Variants in NFAM1 observed in about 807,000 individuals in gnomAD.
NFAM1 encodes the protein NFAT activating protein with ITAM motif 1.
In NFAM1, 17 loss-of-function variants were observed where a neutral mutation model predicts 29.0. That is an observed-to-expected ratio of 0.59 (90% CI 0.40 to 0.88). The LOEUF is 0.88. Among genes scored for constraint, NFAM1 ranks in the 40% least tolerant of loss-of-function variants. The probability of loss-of-function intolerance (pLI) is 0.00; values close to 1 mark genes in which losing one functional copy is unlikely to be tolerated. For missense variants in NFAM1, 324 were observed against 344.6 expected (o/e 0.94, Z 0.47); for synonymous variants, 175 against 147.2 (o/e 1.19, Z -1.36).
chr22:42,436,193 C>T (rs755516190), upstream of NFAM1, among the ~76,000 whole-genome samples: 2 of 152,160 alleles, frequency 1.3e-5, no homozygotes, highest in African/African-American at 2.4e-5. Context: ...ACAGTGAGGT[C>T]CTGAGCTCTT....
chr22:42,392,748 C>A (rs952489088), intron 4 of NFAM1, among the ~76,000 whole-genome samples: 4 of 151,926 alleles, frequency 2.6e-5, no homozygotes, highest in African/African-American at 9.7e-5. Flanking sequence ...TCTGACCCAC[C>A]CCGAATTCAT....
upstream of NFAM1, among the ~76,000 whole-genome samples, chr22:42,436,572 C>T (rs912644457): frequency 1.3e-5 from 2 of 152,330 alleles, no homozygotes; most frequent in East Asian, 1.9e-4. Context: ...GCCATCTGCC[C>T]GCAGGCTGCC....
chr22:42,387,388 G>C (rs1929186811), intron 4 of NFAM1, among the ~76,000 whole-genome samples: 1 of 152,078 alleles, frequency 6.6e-6, no homozygotes, highest in African/African-American at 2.4e-5. Flanking sequence ...AAAGGGCCAG[G>C]CCTCCTCCTG....
Position 42,388,090 on chromosome 22 carries a change from G to C in NFAM1, c.664-1012C>G, listed in dbSNP as rs764883785. On this transcript the variant is annotated intron_variant, in intron 4 of 5. Coordinates refer to ENST00000329021, the MANE Select transcript of NFAM1 (RefSeq NM_145912.8). This position sits in a 1 kb window ranked among gnomAD's most constrained non-coding sequence, Gnocchi z 4.1. ...GTAAGGGGGCTTCCCCGTCACTCGGGTGTGTCCTAGGCCCACTCACTCTTG... is the reference window on the plus strand; with the variant it reads ...GTAAGGGGGCTTCCCCGTCACTCGGCTGTGTCCTAGGCCCACTCACTCTTG... 3.9e-5 allele frequency among the ~76,000 whole-genome samples: 6 copies of C among 152,236 alleles called. No homozygotes were observed. The highest frequency in any genetic ancestry group is 7.3e-5 in the Non-Finnish European group (5 of 68,046).
intron 4 of NFAM1, among the ~76,000 whole-genome samples, chr22:42,394,651 G>T (rs1569226736): frequency 6.6e-6 from 1 of 152,134 alleles, no homozygotes; most frequent in Non-Finnish European, 1.5e-5. Flanking sequence ...AATTAGAAAA[G>T]AAGAAAGATA....
intron 5 of NFAM1, among the ~76,000 whole-genome samples, chr22:42,385,878 A>C (rs1310337565): frequency 1.3e-5 from 2 of 152,168 alleles, no homozygotes; most frequent in African/African-American, 4.8e-5. Flanking sequence ...AGAGAAGGCC[A>C]AGTGCCAGGC....
Position 42,415,075 on chromosome 22 carries a change from A to C in NFAM1, c.122-3339T>G, listed in dbSNP as rs753813132. Among the ~76,000 whole-genome samples the C allele has an allele frequency of 3.9e-5, 6 of 152,236 alleles. 1 individual carries two copies. In the East Asian group the frequency reaches 1.2e-3, roughly 29 times the overall value. ...AGCGAGGAGAGGCTTCGAAACGAGA[A>C]CCTCAGACCTCTGATGAAACTGCTG... On this transcript the variant is annotated intron_variant, in intron 1 of 5. Coordinates refer to ENST00000329021, the MANE Select transcript of NFAM1 (RefSeq NM_145912.8).
intron 3 of NFAM1, among the ~76,000 whole-genome samples, chr22:42,398,875 G>T (rs539059705): frequency 7.6e-4 from 115 of 152,244 alleles, no homozygotes; most frequent in Admixed American, 2.0e-3. Flanking sequence ...GCAGTGTGAG[G>T]AGGTGGGCAC....
At chr22:42,392,010 G>C (rs183109488) in intron 4 of NFAM1, among the ~76,000 whole-genome samples, 1 of 151,046 alleles carries the variant, frequency 6.6e-6, no homozygotes, top group Admixed American at 6.6e-5. Context: ...AGACATTCAA[G>C]TGGGGTTGAC....
At chr22:42,414,336 A>G (rs1388424654) in intron 1 of NFAM1, among the ~76,000 whole-genome samples, 1 of 152,158 alleles carries the variant, frequency 6.6e-6, no homozygotes, top group Non-Finnish European at 1.5e-5. Context: ...TGATAACATT[A>G]CATTCATTTT....
intron 1 of NFAM1, among the ~76,000 whole-genome samples, chr22:42,425,494 C>T (rs1002113467): frequency 6.6e-6 from 1 of 151,946 alleles, no homozygotes; most frequent in South Asian, 2.1e-4. Context: ...TCCAGGCCTC[C>T]ATCCTTCCCT....
At chr22:42,390,838 AG>A (rs948428524) in intron 4 of NFAM1, among the ~76,000 whole-genome samples, 9 of 139,766 alleles carry the variant, frequency 6.4e-5, no homozygotes, top group Non-Finnish European at 1.2e-4. Context: ...AAAAAAAAAG[AG>A]GGAGCAGCCG....
At chr22:42,426,102 T>C (rs1930613185) in intron 1 of NFAM1, among the ~76,000 whole-genome samples, 1 of 152,152 alleles carries the variant, frequency 6.6e-6, no homozygotes, top group Non-Finnish European at 1.5e-5. Context: ...GGCTGGCTTC[T>C]TCAGGGGATG....
At chr22:42,415,300 T>C (rs1225853719) in intron 1 of NFAM1, among the ~76,000 whole-genome samples, 8 of 141,340 alleles carry the variant, frequency 5.7e-5, no homozygotes, top group African/African-American at 1.6e-4. Context: ...CTTTCTTTTT[T>C]TTTTTTTTTT....
rs11455381 is a variant in NFAM1, at chr22:42,388,211, C to CT, written c.664-1134dup. Among the ~76,000 whole-genome samples, 84,234 of 151,724 alleles carry CT rather than the reference C, an allele frequency of 0.56. 23,766 individuals carry two copies. Among genetic ancestry groups the CT allele is most frequent in the African/African-American group, 0.65 (26,903 of 41,350 alleles). On this transcript the variant is annotated intron_variant, in intron 4 of 5. Coordinates refer to ENST00000329021, the MANE Select transcript of NFAM1 (RefSeq NM_145912.8). The surrounding 1 kb of genome is among the most constrained non-coding windows in gnomAD (Gnocchi z 4.1). ...GAGTAGGTTCGAATCTCGGCTCTGA[C>CT]TGCGCCAGCCAAAGGCAACCCCTTA... is the stretch of plus-strand genomic sequence containing the variant.
At chr22:42,393,651 C>T (rs1929423744) in intron 4 of NFAM1, among the ~76,000 whole-genome samples, 2 of 148,308 alleles carry the variant, frequency 1.3e-5, no homozygotes, top group South Asian at 2.1e-4. Context: ...CTCTTGACCT[C>T]GTGATCTGCC....
At chr22:42,416,382 C>G (rs1930260510) in intron 1 of NFAM1, among the ~76,000 whole-genome samples, 1 of 152,076 alleles carries the variant, frequency 6.6e-6, no homozygotes. Flanking sequence ...GGCTTCGGAC[C>G]CCAGTTGGTC....
At chr22:42,387,817 C>G (rs1929203051) in intron 4 of NFAM1, among the ~76,000 whole-genome samples, 1 of 152,196 alleles carries the variant, frequency 6.6e-6, no homozygotes, top group Non-Finnish European at 1.5e-5. Flanking sequence ...CACCCACTCT[C>G]TGACCACGGT....
At chr22:42,425,860 C>A (rs1017748974) in intron 1 of NFAM1, among the ~76,000 whole-genome samples, 2 of 152,174 alleles carry the variant, frequency 1.3e-5, no homozygotes, top group African/African-American at 2.4e-5. Flanking sequence ...AGTCATGCCC[C>A]ACATGCCTCT....
Sources: gnomAD v4.1 joint callset for allele counts (sites outside exome capture counted in the v4.1 genomes callset) on GRCh38, gnomAD v4.1.1 for gene constraint, Gnocchi (gnomAD v3.1) non-coding constraint, MANE v1.5 for transcripts, NCBI Gene and HGNC (gene_info 2026-07-23, HGNC 2026-07-21) for gene names.